The following TNIP3 variants were observed in gnomAD, a reference collection of about 807,000 sequenced individuals.
TNIP3 encodes the protein TNFAIP3-interacting protein 3.
In TNIP3, 34 loss-of-function variants were observed where a neutral mutation model predicts 54.1. The observed-to-expected ratio is 0.63, with a 90% confidence interval of 0.48 to 0.84. The LOEUF is 0.84. Ranked by LOEUF, TNIP3 falls within the 40% of genes least tolerant of loss-of-function variation. The probability of loss-of-function intolerance (pLI) is 0.00; values close to 1 mark genes in which losing one functional copy is unlikely to be tolerated. For synonymous variants in TNIP3, 134 were observed against 136.8 expected (o/e 0.98, Z 0.14); for missense variants, 366 against 387.6 (o/e 0.94, Z 0.47).
chr4:121,202,945 T>C (rs1341131219), intron 2 of TNIP3, among the ~76,000 whole-genome samples: 2 of 152,128 alleles, frequency 1.3e-5, no homozygotes, highest in Admixed American at 6.6e-5. Flanking sequence ...GGCATGGATG[T>C]GGTGAAAAGG....
At position 121,150,208 on chromosome 4, in the gene TNIP3, A is replaced by G. The variant is rs1466197520; in HGVS notation, c.504T>C (p.Asp168=). Residue 168 remains aspartate, a synonymous_variant, in exon 6 of 11, where the codon GAT becomes GAC. Coordinates refer to ENST00000057513, the MANE Select transcript of TNIP3 (RefSeq NM_024873.6). The stretch of plus-strand genomic sequence containing the variant: ...AAAATGAACACTTGATATTCAAGGC[A>G]TCCTGAAGAGCCTACGTAATAAGAT... The part of the protein sequence containing the change: ...EIKRLNKALQ[D]ALNIKCSFSE... 1 of 1,609,624 alleles carries G rather than the reference A, an allele frequency of 6.2e-7. No homozygotes were observed. The highest frequency in any genetic ancestry group is 1.3e-5 in the African/African-American group (1 of 74,814).
Position 121,216,595 on chromosome 4 carries a change from G to A in TNIP3, c.-28C>T. ...CAAAGGAGAAAACCACCTGTTAAAT[G>A]CATTTTTCATCAAAAGCCATGTTTT... On this transcript the variant is annotated 5_prime_UTR_variant, in exon 1 of 13. Transcript: ENST00000507879. The A allele has an allele frequency of 3.3e-6, 5 of 1,496,342 alleles. 1 individual carries two copies. The highest frequency in any genetic ancestry group is 4.4e-6 in the Non-Finnish European group (5 of 1,129,042). 92.7% of individuals were successfully genotyped at this position (1,496,342 alleles called of 1,614,324 possible).
intron 4 of TNIP3, among the ~76,000 whole-genome samples, chr4:121,155,569 C>A (rs1730034106): frequency 6.6e-6 from 1 of 152,144 alleles, no homozygotes; most frequent in African/African-American, 2.4e-5. Context: ...AGATGACAAT[C>A]TAAAATTGTC....
At chr4:121,191,299 T>A (rs1403191162) in intron 2 of TNIP3, among the ~76,000 whole-genome samples, 1 of 152,166 alleles carries the variant, frequency 6.6e-6, no homozygotes, top group Non-Finnish European at 1.5e-5. Flanking sequence ...TGATCTAACA[T>A]TTGTATCACC....
At chr4:121,204,692 T>G (rs1237002428) in intron 2 of TNIP3, among the ~76,000 whole-genome samples, 2 of 152,192 alleles carry the variant, frequency 1.3e-5, no homozygotes, top group Admixed American at 1.3e-4. Context: ...TCTTACATAC[T>G]AGTATTTTAT....
upstream of TNIP3, among the ~76,000 whole-genome samples, chr4:121,219,198 TACAAACAAACAAACAA>T (rs113880656): frequency 1.3e-5 from 2 of 151,664 alleles, no homozygotes; most frequent in African/African-American, 2.4e-5. Flanking sequence ...GAAACTCCAT[TACAAACAAACAAACAA>T]ACAAACAAAC....
chr4:121,159,133 C>G (rs909827730), intron 2 of TNIP3, among the ~76,000 whole-genome samples: 3 of 152,120 alleles, frequency 2.0e-5, no homozygotes, highest in Non-Finnish European at 2.9e-5. Flanking sequence ...GTCCCAGCTA[C>G]TGGGGAGGCT....
intron 2 of TNIP3, among the ~76,000 whole-genome samples, chr4:121,185,985 CAG>C (rs1724994981): frequency 6.6e-6 from 1 of 152,224 alleles, no homozygotes; most frequent in East Asian, 1.9e-4. Flanking sequence ...TTCATTTGGA[CAG>C]AGTGGTGAAG....
chr4:121,180,601 G>A (rs958506797), intron 3 of TNIP3, among the ~76,000 whole-genome samples: 4 of 152,186 alleles, frequency 2.6e-5, no homozygotes, highest in Admixed American at 1.3e-4. Flanking sequence ...GCTATGTTGT[G>A]TAAGAGTGAG....
At chr4:121,205,107 T>C (rs1216649842) in intron 2 of TNIP3, among the ~76,000 whole-genome samples, 1 of 152,172 alleles carries the variant, frequency 6.6e-6, no homozygotes, top group African/African-American at 2.4e-5. Flanking sequence ...AGAAGAAATA[T>C]AGAGCAATGT....
At chr4:121,176,534 T>G (rs1724358172) in intron 3 of TNIP3, among the ~76,000 whole-genome samples, 1 of 151,950 alleles carries the variant, frequency 6.6e-6, no homozygotes, top group African/African-American at 2.4e-5. Context: ...ATGATGATGA[T>G]GATGATGATG....
At chr4:121,223,594 G>A (rs1056476202) in intron 1 of TNIP3, among the ~76,000 whole-genome samples, 2 of 129,620 alleles carry the variant, frequency 1.5e-5, no homozygotes, top group African/African-American at 3.1e-5. Context: ...GACCTTACAA[G>A]GCTCCACAGA....
intron 9 of TNIP3, 56 bp downstream of exon 9, chr4:121,141,760 C>CAT: frequency 8.5e-7 from 1 of 1,183,310 alleles, no homozygotes; most frequent in Non-Finnish European, 1.1e-6. Flanking sequence ...CAGAGATGCA[C>CAT]ATAATTTCTA....
chr4:121,211,206 T>C (rs761296243), intron 2 of TNIP3, among the ~76,000 whole-genome samples: 21 of 152,326 alleles, frequency 1.4e-4, no homozygotes, highest in Non-Finnish European at 2.6e-4. Flanking sequence ...TAAATAATTA[T>C]GATCCAATTT....
intron 3 of TNIP3, among the ~76,000 whole-genome samples, chr4:121,174,314 G>A (rs1034319658): frequency 3.1e-4 from 47 of 152,004 alleles, no homozygotes; most frequent in Admixed American, 3.1e-3. Context: ...CTGAGACTGG[G>A]GAATCGTGTG....
chr4:121,200,153 A>T (rs1337236427), intron 2 of TNIP3, among the ~76,000 whole-genome samples: 2 of 152,098 alleles, frequency 1.3e-5, no homozygotes, highest in Non-Finnish European at 2.9e-5. Flanking sequence ...CCACATGGGC[A>T]CAGACATGCT....
chr4:121,204,345 G>A (rs7687870), intron 2 of TNIP3, among the ~76,000 whole-genome samples: 133,010 of 152,160 alleles, frequency 0.87, 58,242 homozygotes, highest in African/African-American at 0.91. Flanking sequence ...TCTACCTATG[G>A]TCTGGAAGCT....
chr4:121,170,708 G>T (rs1731019369), intron 3 of TNIP3, among the ~76,000 whole-genome samples: 1 of 151,922 alleles, frequency 6.6e-6, no homozygotes, highest in African/African-American at 2.4e-5. Context: ...TTTTCATGGT[G>T]CTTTCTAAGA....
intron 5 of TNIP3, among the ~76,000 whole-genome samples, chr4:121,151,419 T>C (rs1000673856): frequency 6.6e-6 from 1 of 152,202 alleles, no homozygotes; most frequent in African/African-American, 2.4e-5. Context: ...TGTCTTAGAA[T>C]ACACAAATAC....
Sources: gnomAD v4.1 joint callset for allele counts (sites outside exome capture counted in the v4.1 genomes callset) on GRCh38, gnomAD v4.1.1 for gene constraint, MANE v1.5 for transcripts, NCBI Gene and HGNC (gene_info 2026-07-23, HGNC 2026-07-21) for gene names.